ADK: variants seen among roughly 807,000 people sequenced by gnomAD.
ADK encodes the protein adenosine kinase.
Under a neutral mutation model 44.7 loss-of-function variants are expected in ADK, and 24 were observed. The ratio of observed to expected loss-of-function variants is 0.54; its 90% CI spans 0.39 to 0.76. The LOEUF (loss-of-function observed/expected upper bound fraction) is 0.76, where lower values mean the gene tolerates loss of function less well. Ranked by LOEUF, ADK falls within the 30% of genes least tolerant of loss-of-function variation. The pLI, the probability that ADK is intolerant of heterozygous loss-of-function variation, is 0.00. For synonymous variants in ADK, 128 were observed against 142.6 expected, an observed-to-expected ratio of 0.90 and a Z score of 0.73; for missense variants, 321 against 425.1, an observed-to-expected ratio of 0.76 and a Z score of 2.15.
intron 4 of ADK, among the ~76,000 whole-genome samples, chr10:74,331,070 C>A (rs1226969832): frequency 6.6e-6 from 1 of 151,954 alleles, no homozygotes; most frequent in African/African-American, 2.4e-5. Context: ...TTCTTTTATA[C>A]ATAATCGTTT....
intron 3 of ADK, among the ~76,000 whole-genome samples, chr10:74,267,681 T>G (rs1846259804): frequency 6.6e-6 from 1 of 151,954 alleles, no homozygotes; most frequent in Non-Finnish European, 1.5e-5. Context: ...GTTCAAATAA[T>G]TTTATTTGGA....
intron 1 of ADK, among the ~76,000 whole-genome samples, chr10:74,199,929 C>T (rs967387364): frequency 1.7e-4 from 26 of 151,988 alleles, no homozygotes; most frequent in Admixed American, 3.9e-4. Flanking sequence ...CCACCCACCT[C>T]GGCCTCCCAA....
intron 7 of ADK, among the ~76,000 whole-genome samples, chr10:74,541,623 C>T (rs914047174): frequency 6.6e-6 from 1 of 151,794 alleles, no homozygotes; most frequent in Non-Finnish European, 1.5e-5. Context: ...TAGCAAGATG[C>T]TGTCTCTACA....
At chr10:74,406,523 TAATAAGAAG>T (rs1174431904) in intron 6 of ADK, among the ~76,000 whole-genome samples, 1,700 of 56,044 alleles carry the variant, frequency 0.03, 17 homozygotes, top group African/African-American at 0.08. Flanking sequence ...ATAATAATAA[TAATAAGAAG>T]AAGAAGAAGA....
chr10:74,542,024 T>A (rs1459275131), intron 7 of ADK, among the ~76,000 whole-genome samples: 1 of 152,040 alleles, frequency 6.6e-6, no homozygotes, highest in Non-Finnish European at 1.5e-5. Context: ...ACAGATCGCT[T>A]GGGCTTAGGA....
intron 6 of ADK, among the ~76,000 whole-genome samples, chr10:74,519,866 ATTTGTTTG>A (rs1485942843): frequency 6.6e-6 from 1 of 151,424 alleles, no homozygotes; most frequent in African/African-American, 2.4e-5. Flanking sequence ...TCTTTTGTTT[ATTTGTTTG>A]TTTTTTTCCT....
At chr10:74,291,813 C>T (rs1205147960) in intron 3 of ADK, among the ~76,000 whole-genome samples, 2 of 150,906 alleles carry the variant, frequency 1.3e-5, no homozygotes, top group African/African-American at 4.9e-5. Flanking sequence ...TTATGTGTAT[C>T]ATAATGATTT....
chr10:74,305,593 G>C (rs1222043080), intron 3 of ADK, among the ~76,000 whole-genome samples: 1 of 152,080 alleles, frequency 6.6e-6, no homozygotes, highest in African/African-American at 2.4e-5. Flanking sequence ...TCCACTCTCT[G>C]TGTTCTTCTC....
At chr10:74,239,867 A>C (rs2132296747) in intron 3 of ADK, among the ~76,000 whole-genome samples, 1 of 152,228 alleles carries the variant, frequency 6.6e-6, no homozygotes, top group Admixed American at 6.5e-5. Flanking sequence ...TATTCTATTT[A>C]GTTATCTTTG....
At chr10:74,386,398 T>A (rs1440676545) in intron 4 of ADK, among the ~76,000 whole-genome samples, 1 of 152,228 alleles carries the variant, frequency 6.6e-6, no homozygotes, top group Non-Finnish European at 1.5e-5. Context: ...TCATTGTCAG[T>A]TATATTGTCC....
At chr10:74,650,276 C>T (rs983404080) in intron 9 of ADK, among the ~76,000 whole-genome samples, 8 of 151,898 alleles carry the variant, frequency 5.3e-5, no homozygotes, top group East Asian at 1.9e-4. Flanking sequence ...AAAAATTAGC[C>T]GGGTGTCATG....
At chr10:74,512,928 C>G (rs1848403081) in intron 6 of ADK, among the ~76,000 whole-genome samples, 2 of 151,870 alleles carry the variant, frequency 1.3e-5, no homozygotes, top group South Asian at 4.1e-4. Context: ...ACTGTTTTTG[C>G]TGTGTCCCAT....
intron 4 of ADK, among the ~76,000 whole-genome samples, chr10:74,365,315 C>T (rs1028698141): frequency 1.3e-5 from 2 of 152,174 alleles, no homozygotes; most frequent in African/African-American, 4.8e-5. Flanking sequence ...ATCCATTAAT[C>T]AGCTTTCTGT....
Position 74,676,060 on chromosome 10 carries a change from C to A in ADK, c.964+5791C>A, listed in dbSNP as rs80171060. Among the ~76,000 whole-genome samples, 33 of 133,106 alleles carry A rather than the reference C, an allele frequency of 2.5e-4. No individual in the cohort carries two copies. The East Asian group carries it at 3.3e-3, about 13-fold the overall frequency. The allele number at this position is 133,106 out of a possible 152,430, so 87.3% of individuals were successfully genotyped here. ...TCTTAGAATTAAAAAAAAAAAAAAA[C>A]ACCTTCATTAAGTATGGTTAAAAGC... On this transcript the variant is annotated intron_variant, in intron 10 of 10. Transcript: ENST00000539909.
chr10:74,682,311 A>G (rs193154496), intron 10 of ADK, among the ~76,000 whole-genome samples: 2 of 152,312 alleles, frequency 1.3e-5, no homozygotes, highest in East Asian at 3.9e-4. Context: ...GTAAGCTTCC[A>G]TTTTTAGCCA....
chr10:74,387,961 G>A (rs1414270963), intron 4 of ADK, among the ~76,000 whole-genome samples: 1 of 151,612 alleles, frequency 6.6e-6, no homozygotes, highest in Non-Finnish European at 1.5e-5. Context: ...AGGCTGGAAT[G>A]CAATGGCGCA....
chr10:74,229,467 G>A (rs903043976), intron 3 of ADK, among the ~76,000 whole-genome samples: 11 of 142,594 alleles, frequency 7.7e-5, no homozygotes, highest in African/African-American at 2.7e-4. Context: ...GCGTGATCTC[G>A]GCTCACTGCA....
In ADK at chr10:74,572,146, T is replaced by C. The variant is rs543206627; in HGVS notation, c.727-17136T>C. Among the ~76,000 whole-genome samples the C allele has an allele frequency of 3.8e-3, 585 of 152,338 alleles. 7 individuals are homozygous for C. The highest frequency in any genetic ancestry group is 0.013 in the African/African-American group (551 of 41,566). ...TGATTTTGCAGTGGCTGGTACCGGT[T>C]GTTCCTTTCCATGTTTAGTGCTTCC... On this transcript the variant is annotated intron_variant, in intron 7 of 10. Coordinates refer to ENST00000539909, the MANE Select transcript of ADK (RefSeq NM_006721.4).
intron 9 of ADK, among the ~76,000 whole-genome samples, chr10:74,630,138 C>G (rs1589313790): frequency 6.6e-6 from 1 of 151,970 alleles, no homozygotes; most frequent in Non-Finnish European, 1.5e-5. Flanking sequence ...TCCATATATC[C>G]TTCATCCAGC....
Sources: allele counts gnomAD v4.1 joint callset (sites outside exome capture counted in the v4.1 genomes callset), GRCh38; gene constraint gnomAD v4.1.1; transcripts MANE v1.5; gene names NCBI Gene and HGNC (gene_info 2026-07-23, HGNC 2026-07-21).